Variants in TBPL2 observed in about 807,000 individuals in gnomAD.
The protein encoded by TBPL2 is TATA box-binding protein-like 2.
Under a neutral mutation model 38.2 loss-of-function variants are expected in TBPL2, and 40 were observed. That is an observed-to-expected ratio of 1.05 (90% CI 0.81 to 1.36). TBPL2 has a LOEUF of 1.36. Ranked by LOEUF, TBPL2 falls within the 40% of genes most tolerant of loss-of-function variation. TBPL2 has a pLI of 0.00. For synonymous variants in TBPL2, 169 were observed against 171.7 expected (o/e 0.98, Z 0.12); for missense variants, 461 against 456.7 (o/e 1.01, Z -0.09).
chr14:55,439,136 G>A (rs10132622), intron 1 of TBPL2, among the ~76,000 whole-genome samples: 3,706 of 151,898 alleles, frequency 0.024, 112 homozygotes, highest in African/African-American at 0.062. Flanking sequence ...GCGAAGTTTC[G>A]CCATGTTGGC....
intron 4 of TBPL2, among the ~76,000 whole-genome samples, chr14:55,431,102 C>T (rs553629644): frequency 3.9e-4 from 60 of 152,312 alleles, no homozygotes; most frequent in Non-Finnish European, 5.6e-4. Context: ...ACTTTTCCTA[C>T]GCAAACACAG....
intron 6 of TBPL2, among the ~76,000 whole-genome samples, chr14:55,418,522 A>G (rs1488051678): frequency 6.6e-6 from 1 of 152,166 alleles, no homozygotes; most frequent in Non-Finnish European, 1.5e-5. Flanking sequence ...ACATATACCA[A>G]TTTACTATTA....
At chr14:55,421,484 G>C (rs1317552588) in intron 6 of TBPL2, among the ~76,000 whole-genome samples, 2 of 152,146 alleles carry the variant, frequency 1.3e-5, no homozygotes, top group African/African-American at 2.4e-5. Flanking sequence ...TTTTAATTAA[G>C]ATGAAGTCTC....
intron 6 of TBPL2, among the ~76,000 whole-genome samples, chr14:55,422,043 G>T (rs2140167177): frequency 6.6e-6 from 1 of 152,260 alleles, no homozygotes; most frequent in East Asian, 1.9e-4. Flanking sequence ...GATATACCAT[G>T]AGTATTAAAG....
At position 55,440,483 on chromosome 14, in the gene TBPL2, G is replaced by C; in HGVS notation, c.63C>G (p.Tyr21Ter). 3 of 1,612,312 alleles carry C rather than the reference G, an allele frequency of 1.9e-6. No homozygotes were observed. The highest frequency in any genetic ancestry group is 2.5e-6 in the Non-Finnish European group (3 of 1,179,512). Reference sequence around the variant, plus strand: ...ATCCCACTGTTGGGGGTGGGGGCGGGTAAGAGGGTAAGCGCGGAGCGAGCA... The same window carrying C: ...ATCCCACTGTTGGGGGTGGGGGCGGCTAAGAGGGTAAGCGCGGAGCGAGCA... The change falls in exon 1 of 7, where the codon TAC becomes TAG. Residue 21 changes from tyrosine (Y) to a stop codon, truncating the protein, a stop_gained. The change creates a premature stop within an existing upstream ORF in the 5' untranslated region. Transcript: ENST00000247219. LOFTEE classifies it high-confidence loss of function.
At chr14:55,431,804 T>C (rs1207631807) in intron 4 of TBPL2, among the ~76,000 whole-genome samples, 1 of 152,216 alleles carries the variant, frequency 6.6e-6, no homozygotes, top group Non-Finnish European at 1.5e-5. Flanking sequence ...CCAATTAATA[T>C]AAATTCAGTC....
At chr14:55,436,690 G>A in exon 2 of TBPL2, 1 of 1,614,204 alleles carries the variant, frequency 6.2e-7, no homozygotes, top group Non-Finnish European at 8.5e-7. Context: ...AGTATCACCA[G>A]GGTGCAGCTG....
At chr14:55,434,729 G>GT (rs1382946872) in intron 3 of TBPL2, among the ~76,000 whole-genome samples, 2 of 152,180 alleles carry the variant, frequency 1.3e-5, no homozygotes, top group African/African-American at 4.8e-5. Context: ...AAGCTTTATT[G>GT]TATTCGGGTA....
At chr14:55,424,314 T>G in intron 5 of TBPL2, 61 bp from the exon 6 acceptor site, 1 of 1,086,216 alleles carries the variant, frequency 9.2e-7, no homozygotes, top group Non-Finnish European at 1.4e-6. Flanking sequence ...TCCCATAACA[T>G]GTAAGGCCCA....
At chr14:55,414,676 G>A (rs1296788087) in intron 6 of TBPL2, among the ~76,000 whole-genome samples, 2 of 152,250 alleles carry the variant, frequency 1.3e-5, no homozygotes, top group East Asian at 3.9e-4. Context: ...TTCTCTGTGG[G>A]TGTCATCTTT....
At position 55,429,000 on chromosome 14, in the gene TBPL2, G is replaced by A. The variant is rs569395179; in HGVS notation, c.789-26C>T. On this transcript the variant is annotated intron_variant, in intron 4 of 6. Transcript: ENST00000247219. ...CTGGGGAGGGGCAAATATGTTTAAA[G>A]ATGTCTTAATCGCTACATCCTCTCA... 10 of 1,612,632 alleles carry A rather than the reference G, an allele frequency of 6.2e-6. No homozygotes were observed. The Admixed American group carries it at 1.7e-4, about 27-fold the overall frequency.
At chr14:55,427,034 T>C (rs1254638284) in intron 5 of TBPL2, among the ~76,000 whole-genome samples, 1 of 152,200 alleles carries the variant, frequency 6.6e-6, no homozygotes, top group Non-Finnish European at 1.5e-5. Context: ...CTCTTGCAGA[T>C]GTACACTAAG....
chr14:55,440,070 A>G (rs1401984564), intron 1 of TBPL2, among the ~76,000 whole-genome samples: 1 of 152,042 alleles, frequency 6.6e-6, no homozygotes, highest in Non-Finnish European at 1.5e-5. Context: ...ACTGCACTCC[A>G]GCCTGGGCGA....
intron 6 of TBPL2, among the ~76,000 whole-genome samples, chr14:55,415,223 C>CT (rs746055950): frequency 1.8e-4 from 27 of 152,092 alleles, no homozygotes; most frequent in Non-Finnish European, 3.1e-4. Flanking sequence ...ATCAGTTAAT[C>CT]TGATATTTTG....
At chr14:55,428,657 C>T (rs1201706714) in intron 5 of TBPL2, 150 bp downstream of exon 5, 1 of 801,714 alleles carries the variant, frequency 1.2e-6, no homozygotes, top group Non-Finnish European at 1.9e-6. Flanking sequence ...TATGAGAACT[C>T]AGGCATAGCA....
At chr14:55,440,311 T>A in intron 1 of TBPL2, 85 bp downstream of exon 1, 1 of 1,529,060 alleles carries the variant, frequency 6.5e-7, no homozygotes, top group East Asian at 2.3e-5. Context: ...TCGCTATGAG[T>A]TTTAAGAGGA....
rs576819393 is a variant in TBPL2 at position 55,439,614 on chromosome 14, A to ACC, written c.150+780_150+781dup. Among the ~76,000 whole-genome samples the ACC allele has an allele frequency of 5.4e-3, 456 of 84,588 alleles. 39 individuals carry two copies. Among genetic ancestry groups the ACC allele is most frequent in the East Asian group, 0.014 (32 of 2,266 alleles). The allele number at this position is 84,588 out of a possible 152,430, so 55.5% of individuals were successfully genotyped here. Reference sequence around the variant, plus strand: ...AACACCAGCCTGGGGAGAAAAGCAAACCCCCCCCCGTCTCTACTAAAAAAT... The same window carrying ACC: ...AACACCAGCCTGGGGAGAAAAGCAAACCCCCCCCCCCGTCTCTACTAAAAAAT... On this transcript the variant is annotated intron_variant, in intron 1 of 6. Transcript: ENST00000247219.
chr14:55,422,557 G>A (rs921733474), intron 6 of TBPL2, among the ~76,000 whole-genome samples: 5 of 152,128 alleles, frequency 3.3e-5, no homozygotes, highest in South Asian at 4.1e-4. Context: ...TCATAAAATA[G>A]CAACTTTCTG....
exon 2 of TBPL2, chr14:55,436,926 A>C (rs1406913559): frequency 6.2e-7 from 1 of 1,614,254 alleles, no homozygotes; most frequent in Non-Finnish European, 8.5e-7. Flanking sequence ...GGTTCGAATT[A>C]AATGCAGTAT....
Sources: allele counts gnomAD v4.1 joint callset (sites outside exome capture counted in the v4.1 genomes callset), GRCh38; gene constraint gnomAD v4.1.1; transcripts MANE v1.5; gene names NCBI Gene and HGNC (gene_info 2026-07-23, HGNC 2026-07-21).